PIRT: variants seen among roughly 807,000 people sequenced by gnomAD.
PIRT encodes the protein phosphoinositide-interacting protein.
PIRT carries 6 observed loss-of-function variants against 7.9 expected under a neutral mutation model. The ratio of observed to expected loss-of-function variants is 0.76; its 90% CI spans 0.42 to 1.51. The LOEUF (loss-of-function observed/expected upper bound fraction) is 1.51. Among genes scored for constraint, PIRT ranks in the 40% most tolerant of loss-of-function variants. The pLI is 0.01. For synonymous variants in PIRT, 78 were observed against 71.8 expected, an observed-to-expected ratio of 1.09 and a Z score of -0.44; for missense variants, 170 against 172.9, an observed-to-expected ratio of 0.98 and a Z score of 0.09.
chr17:10,832,813 C>A (rs1431293441), intron 1 of PIRT, among the ~76,000 whole-genome samples: 1 of 152,108 alleles, frequency 6.6e-6, no homozygotes, highest in Non-Finnish European at 1.5e-5. Context: ...TTCCATCCCC[C>A]AAACAGCACT....
At chr17:10,837,265 C>T (rs181563468) in intron 1 of PIRT, among the ~76,000 whole-genome samples, 1 of 152,230 alleles carries the variant, frequency 6.6e-6, no homozygotes, top group African/African-American at 2.4e-5. Flanking sequence ...TGTGTGACCA[C>T]GGCTGGCTTT....
At chr17:10,834,949 A>G (rs748576610) in intron 1 of PIRT, among the ~76,000 whole-genome samples, 8 of 149,896 alleles carry the variant, frequency 5.3e-5, no homozygotes, top group Non-Finnish European at 1.0e-4. Flanking sequence ...GCACCGCTTT[A>G]CCAAGTCACT....
rs1905243507 is a variant in PIRT, at chr17:10,823,227, G to C, written c.*2005C>G. Reference sequence around the variant, plus strand: ...CACTAAAACTACAATTAACGACATAGCACTTGCAACACTCCCAAGATTGGT... The same window carrying C: ...CACTAAAACTACAATTAACGACATACCACTTGCAACACTCCCAAGATTGGT... On this transcript the variant is annotated 3_prime_UTR_variant, in exon 2 of 2. Coordinates refer to ENST00000580256, the MANE Select transcript of PIRT (RefSeq NM_001101387.2). 1 of 152,252 alleles carries C rather than the reference G, an allele frequency of 6.6e-6. No individual in the cohort carries two copies. The highest frequency in any genetic ancestry group is 1.5e-5 in the Non-Finnish European group (1 of 68,056). The allele number at this position is 152,252 out of a possible 1,614,324, so 9.4% of individuals were successfully genotyped here.
At chr17:10,831,484 A>G (rs1366670480) in intron 1 of PIRT, among the ~76,000 whole-genome samples, 1 of 152,084 alleles carries the variant, frequency 6.6e-6, no homozygotes, top group East Asian at 1.9e-4. Context: ...CACAGAGGGG[A>G]AGGCTATGTG....
In PIRT at chr17:10,823,680, G is replaced by C. The variant is rs1362574773; in HGVS notation, c.*1552C>G. The C allele has an allele frequency of 2.0e-5, 3 of 152,224 alleles. No homozygotes were observed. Among genetic ancestry groups the C allele is most frequent in the Non-Finnish European group, 4.4e-5 (3 of 68,082 alleles). The allele number at this position is 152,224 out of a possible 1,614,324, so 9.4% of individuals were successfully genotyped here. On this transcript the variant is annotated 3_prime_UTR_variant, in exon 2 of 2. Transcript: ENST00000580256. Reference sequence around the variant, plus strand: ...TGGCTCCCTCACAGGTACTGCTTCTGTTCTTTCACCTACGGGCCTCTTGGT... The same window carrying C: ...TGGCTCCCTCACAGGTACTGCTTCTCTTCTTTCACCTACGGGCCTCTTGGT...
At chr17:10,837,723 C>G (rs979939589) in intron 1 of PIRT, among the ~76,000 whole-genome samples, 7 of 152,170 alleles carry the variant, frequency 4.6e-5, no homozygotes, top group South Asian at 2.1e-4. Context: ...GGGCGGCCCC[C>G]CTTCCTCTGG....
chr17:10,832,056 A>C (rs1404292622), intron 1 of PIRT, among the ~76,000 whole-genome samples: 1 of 152,240 alleles, frequency 6.6e-6, no homozygotes, highest in Non-Finnish European at 1.5e-5. Context: ...ACAGAGAAAG[A>C]ATGCATGCGA....
chr17:10,826,555 A>G (rs1905319655), intron 1 of PIRT, among the ~76,000 whole-genome samples: 1 of 152,254 alleles, frequency 6.6e-6, no homozygotes, highest in Non-Finnish European at 1.5e-5. Flanking sequence ...ACTGCATCAA[A>G]CACTTCCTTT....
intron 1 of PIRT, among the ~76,000 whole-genome samples, chr17:10,829,626 G>A (rs1184353527): frequency 6.6e-6 from 1 of 152,218 alleles, no homozygotes; most frequent in Non-Finnish European, 1.5e-5. Flanking sequence ...GGTCCCAAAG[G>A]TTCCTCAACT....
chr17:10,829,751 G>A (rs1016671939), intron 1 of PIRT, among the ~76,000 whole-genome samples: 11 of 152,202 alleles, frequency 7.2e-5, no homozygotes, highest in African/African-American at 2.4e-4. Context: ...TACGTGACGT[G>A]AGAAAGAAGA....
At chr17:10,829,055 G>A (rs1302736946) in intron 1 of PIRT, among the ~76,000 whole-genome samples, 1 of 152,218 alleles carries the variant, frequency 6.6e-6, no homozygotes, top group Non-Finnish European at 1.5e-5. Context: ...CCCCCTGTGG[G>A]CTTGGGGGTA....
rs533759386 is a variant in PIRT, at chr17:10,828,720, A to C, written c.-138-2937T>G. On this transcript the variant is annotated intron_variant, in intron 1 of 1. Coordinates refer to ENST00000580256, the MANE Select transcript of PIRT (RefSeq NM_001101387.2). ...CTTCCGACGACGTCAATTTCAGCGGAGTCCCTCCAACCTGTTCATTCCAAC... is the reference window on the plus strand; with the variant it reads ...CTTCCGACGACGTCAATTTCAGCGGCGTCCCTCCAACCTGTTCATTCCAAC... Among the ~76,000 whole-genome samples the C allele has an allele frequency of 5.9e-5, 9 of 152,192 alleles. No homozygotes were observed. The South Asian group carries it at 1.0e-3, about 18-fold the overall frequency.
chr17:10,837,719 C>T (rs546973961), intron 1 of PIRT, among the ~76,000 whole-genome samples: 13 of 152,272 alleles, frequency 8.5e-5, no homozygotes, highest in African/African-American at 2.6e-4. Context: ...CAAGGGGCGG[C>T]CCCCCTTCCT....
Position 10,822,722 on chromosome 17 carries a change from G to T in PIRT, c.*2510C>A, listed in dbSNP as rs1434381410. The stretch of plus-strand genomic sequence containing the variant: ...GCATCCGTACCTCAGCCTTCCATGG[G>T]GTAACAGGCATTGGCAAAAAATGTC... On this transcript the variant is annotated 3_prime_UTR_variant, in exon 2 of 2. Coordinates refer to ENST00000580256, the MANE Select transcript of PIRT (RefSeq NM_001101387.2). 6.6e-6 allele frequency: 1 copy of T among 152,154 alleles called. No individual in the cohort carries two copies. The highest frequency in any genetic ancestry group is 1.5e-5 in the Non-Finnish European group (1 of 68,028). The allele number at this position is 152,154 out of a possible 1,614,324, so 9.4% of individuals were successfully genotyped here.
chr17:10,833,149 G>A (rs567493129), intron 1 of PIRT, among the ~76,000 whole-genome samples: 3 of 152,264 alleles, frequency 2.0e-5, no homozygotes, highest in Middle Eastern at 3.4e-3. Context: ...AAATGGTGCT[G>A]GAACAACTGG....
Position 10,829,023 on chromosome 17 carries a change from C to G in PIRT, c.-138-3240G>C, listed in dbSNP as rs565176276. Among the ~76,000 whole-genome samples the G allele has an allele frequency of 3.9e-5, 6 of 152,264 alleles. No homozygotes were observed. The South Asian group carries it at 1.2e-3, about 32-fold the overall frequency. ...TGGTATATTTGCATAAGCAAAGTAGCCATTTAAAAGGTGATTTTTTTCCCC... is the reference window on the plus strand; with the variant it reads ...TGGTATATTTGCATAAGCAAAGTAGGCATTTAAAAGGTGATTTTTTTCCCC... On this transcript the variant is annotated intron_variant, in intron 1 of 1. Coordinates refer to ENST00000580256, the MANE Select transcript of PIRT (RefSeq NM_001101387.2).
chr17:10,835,359 G>A (rs546378094), intron 1 of PIRT, among the ~76,000 whole-genome samples: 1 of 152,260 alleles, frequency 6.6e-6, no homozygotes, highest in East Asian at 1.9e-4. Context: ...CACTCCTATG[G>A]GGAAGCTATA....
Position 10,825,737 on chromosome 17 carries a change from TC to T in PIRT, c.-93del. On this transcript the variant is annotated 5_prime_UTR_variant, in exon 2 of 2. The change abolishes the stop of an existing upstream ORF in the 5' untranslated region. Transcript: ENST00000580256. ...TCACACACCCTTCCTGTACTCAGCA[TC>T]CATCTCTAGCCCCGCTCTCAGTGGA... The T allele has an allele frequency of 7.8e-7, 1 of 1,289,890 alleles. No individual in the cohort carries two copies. Among genetic ancestry groups the T allele is most frequent in the Non-Finnish European group, 1.0e-6 (1 of 983,458 alleles). 79.9% of individuals were successfully genotyped at this position (1,289,890 alleles called of 1,614,324 possible). A position where few individuals can be genotyped will look rare whatever the true frequency, so the allele number is the denominator to read the frequency against.
intron 1 of PIRT, among the ~76,000 whole-genome samples, chr17:10,829,645 CTT>C (rs1905415872): frequency 6.6e-6 from 1 of 152,162 alleles, no homozygotes; most frequent in South Asian, 2.1e-4. Flanking sequence ...CTACAAGAAT[CTT>C]GAGATTATCA....
Sources: allele counts gnomAD v4.1 joint callset (sites outside exome capture counted in the v4.1 genomes callset), GRCh38; gene constraint gnomAD v4.1.1; transcripts MANE v1.5; gene names NCBI Gene and HGNC (gene_info 2026-07-23, HGNC 2026-07-21).